The following CPED1 variants were observed in gnomAD, a reference collection of about 807,000 sequenced individuals.
The protein encoded by CPED1 is cadherin like and PC-esterase domain containing 1.
A neutral mutation model predicts 128.2 loss-of-function variants in CPED1; 114 were observed. The observed-to-expected ratio is 0.89, with a 90% CI of 0.76 to 1.04. CPED1 has a LOEUF of 1.04. Among genes scored for constraint, CPED1 ranks in the 50% least tolerant of loss-of-function variants. The pLI, the probability that CPED1 is intolerant of heterozygous loss-of-function variation, is 0.00. For synonymous variants in CPED1, 462 were observed against 426.7 expected (o/e 1.08, Z -1.02); for missense variants, 1,211 against 1,207.1 (o/e 1.00, Z -0.05).
rs2116902792 is a variant in CPED1 at position 121,046,915 on chromosome 7, T to C, written c.462T>C (p.Ile154=). The part of the protein sequence containing the change: ...QGDLGSWDLL[I]CLSSKKAEGT... ...ATCTGGGCTCTTGGGATCTGCTCAT[T>C]TGCCTGTCTTCTAAGAAAGCAGAAG... The change falls in exon 4 of 23, where the codon ATT becomes ATC. Residue 154 remains isoleucine, a synonymous_variant. Transcript: ENST00000310396. 6.2e-7 allele frequency: 1 copy of C among 1,612,360 alleles called. No homozygotes were observed. Among genetic ancestry groups the C allele is most frequent in the Non-Finnish European group, 8.5e-7 (1 of 1,178,884 alleles).
chr7:121,259,593 C>T (rs1429375583), intron 18 of CPED1, among the ~76,000 whole-genome samples: 1 of 151,852 alleles, frequency 6.6e-6, no homozygotes, highest in Non-Finnish European at 1.5e-5. Flanking sequence ...TTTATAAATG[C>T]TGAATGGAAC....
At chr7:121,064,723 C>T (rs1563011846) in intron 5 of CPED1, among the ~76,000 whole-genome samples, 2 of 152,146 alleles carry the variant, frequency 1.3e-5, no homozygotes, top group African/African-American at 4.8e-5. Context: ...CTGGAATCCT[C>T]TCAATTTGTC....
chr7:121,024,805 T>TAG (rs1420535377), intron 3 of CPED1, among the ~76,000 whole-genome samples: 1 of 152,144 alleles, frequency 6.6e-6, no homozygotes, highest in Non-Finnish European at 1.5e-5. Context: ...ATATCCGAAT[T>TAG]ACATTTAGAT....
chr7:121,047,270 T>C (rs1021293853), intron 4 of CPED1, among the ~76,000 whole-genome samples: 1 of 152,230 alleles, frequency 6.6e-6, no homozygotes, highest in Non-Finnish European at 1.5e-5. Context: ...TGTTGCTTAA[T>C]CTGACCACTT....
intron 5 of CPED1, among the ~76,000 whole-genome samples, chr7:121,088,115 A>G (rs1794479723): frequency 6.6e-6 from 1 of 152,146 alleles, no homozygotes; most frequent in Admixed American, 6.5e-5. Flanking sequence ...TCATTCACCT[A>G]TTCTTAGGCA....
chr7:121,069,870 G>A (rs1475160112), intron 5 of CPED1, among the ~76,000 whole-genome samples: 1 of 152,070 alleles, frequency 6.6e-6, no homozygotes, highest in Non-Finnish European at 1.5e-5. Flanking sequence ...TTTTAGTACA[G>A]CATCGCCATC....
At chr7:120,999,709 T>A (rs1287597991) in intron 2 of CPED1, among the ~76,000 whole-genome samples, 1 of 152,210 alleles carries the variant, frequency 6.6e-6, no homozygotes, top group Non-Finnish European at 1.5e-5. Context: ...TTAGTTAGGC[T>A]GCCTGATGAG....
intron 21 of CPED1, among the ~76,000 whole-genome samples, chr7:121,270,364 TG>T (rs1222258246): frequency 6.6e-6 from 1 of 152,172 alleles, no homozygotes; most frequent in Non-Finnish European, 1.5e-5. Flanking sequence ...TAGTTTCTTT[TG>T]CTGTGCATAG....
intron 9 of CPED1, 54 bp from the exon 10 acceptor site, chr7:121,127,036 T>C (rs888121731): frequency 1.5e-6 from 2 of 1,293,296 alleles, no homozygotes; most frequent in Non-Finnish European, 2.1e-6. Context: ...GTAATTCCAT[T>C]GTCTTAAAAG....
intron 4 of CPED1, among the ~76,000 whole-genome samples, chr7:121,063,381 GAAAAAAA>G (rs368502123): frequency 1.5e-5 from 1 of 67,042 alleles, no homozygotes; most frequent in African/African-American, 6.1e-5. Context: ...TGAAGAAACT[GAAAAAAA>G]AAAAAAAAAA....
At chr7:121,073,234 T>C (rs1794038631) in intron 5 of CPED1, among the ~76,000 whole-genome samples, 1 of 152,078 alleles carries the variant, frequency 6.6e-6, no homozygotes, top group Non-Finnish European at 1.5e-5. Context: ...AAGAAAACCA[T>C]AAGGAAGAGA....
At chr7:121,166,729 G>A (rs1341505195) in intron 16 of CPED1, among the ~76,000 whole-genome samples, 1 of 152,016 alleles carries the variant, frequency 6.6e-6, no homozygotes, top group Non-Finnish European at 1.5e-5. Context: ...TTAAAGTTAA[G>A]AATCATGTAG....
intron 16 of CPED1, among the ~76,000 whole-genome samples, chr7:121,225,492 A>T (rs1797984327): frequency 6.6e-6 from 1 of 151,774 alleles, no homozygotes. Context: ...CTTTGTGGTG[A>T]TCTCTGTATT....
chr7:121,119,774 A>G (rs1328247987), intron 7 of CPED1, among the ~76,000 whole-genome samples: 1 of 152,080 alleles, frequency 6.6e-6, no homozygotes, highest in Non-Finnish European at 1.5e-5. Context: ...ACCAATCTCT[A>G]GAACTTTTTG....
intron 3 of CPED1, among the ~76,000 whole-genome samples, chr7:121,042,032 A>G (rs1042851936): frequency 6.6e-6 from 1 of 152,044 alleles, no homozygotes; most frequent in Non-Finnish European, 1.5e-5. Context: ...CTGTTTTCCT[A>G]GAATTATGCC....
intron 16 of CPED1, among the ~76,000 whole-genome samples, chr7:121,199,222 TGGACAGTAG>T (rs1415587679): frequency 6.6e-6 from 1 of 152,062 alleles, no homozygotes; most frequent in East Asian, 1.9e-4. Context: ...AAGTAGTGAA[TGGACAGTAG>T]GGACAGTCCA....
Position 121,142,274 on chromosome 7 carries a change from G to C in CPED1, c.2055+133G>C, listed in dbSNP as rs1795923450. On this transcript the variant is annotated intron_variant, in intron 16 of 22. Coordinates refer to ENST00000310396, the MANE Select transcript of CPED1 (RefSeq NM_024913.5). ...GAAACTGTGGTCTCATTTCAAAAAA[G>C]TGAGAATCCCAGCCAGGTATCTAAG... 11 of 810,186 alleles carry C rather than the reference G, an allele frequency of 1.4e-5. No individual in the cohort carries two copies. The South Asian group carries it at 2.2e-4, about 16-fold the overall frequency. The allele number at this position is 810,186 out of a possible 1,614,324, so 50.2% of individuals were successfully genotyped here.
intron 14 of CPED1, among the ~76,000 whole-genome samples, chr7:121,138,130 T>C (rs1021368764): frequency 3.3e-5 from 5 of 152,212 alleles, no homozygotes; most frequent in African/African-American, 1.2e-4. Flanking sequence ...AATGTAAGGA[T>C]GCCTCAGAAC....
At chr7:121,082,455 CA>C (rs1245843515) in intron 5 of CPED1, among the ~76,000 whole-genome samples, 4 of 152,126 alleles carry the variant, frequency 2.6e-5, no homozygotes, top group African/African-American at 9.6e-5. Context: ...TGAGTATAAT[CA>C]AAAAACATAA....
Sources: allele counts gnomAD v4.1 joint callset (sites outside exome capture counted in the v4.1 genomes callset), GRCh38; gene constraint gnomAD v4.1.1; transcripts MANE v1.5; gene names NCBI Gene and HGNC (gene_info 2026-07-23, HGNC 2026-07-21).